Variants in LRMDA observed in about 807,000 individuals in gnomAD.
The protein encoded by LRMDA is leucine rich melanocyte differentiation associated, also known as leucine-rich melanocyte differentiation-associated protein.
A neutral mutation model predicts 29.8 loss-of-function variants in LRMDA; 18 were observed. The observed-to-expected ratio is 0.60, with a 90% CI of 0.42 to 0.90. The LOEUF (loss-of-function observed/expected upper bound fraction) is 0.90, where lower values mean the gene tolerates loss of function less well. LRMDA is among the 40% of genes least tolerant of loss of function. LRMDA has a pLI of 0.00. For synonymous variants in LRMDA, 125 were observed against 109.4 expected (o/e 1.14, Z -0.89); for missense variants, 273 against 273.9 (o/e 1.00, Z 0.02).
intron 2 of LRMDA, among the ~76,000 whole-genome samples, chr10:75,893,861 A>C (rs1390085045): frequency 4.1e-5 from 6 of 145,562 alleles, no homozygotes; most frequent in Non-Finnish European, 7.5e-5. Context: ...TGAACCTAGG[A>C]GGTGGAGGTG....
At chr10:76,288,482 T>C (rs1840300158) in intron 5 of LRMDA, among the ~76,000 whole-genome samples, 1 of 152,148 alleles carries the variant, frequency 6.6e-6, no homozygotes, top group African/African-American at 2.4e-5. Context: ...GATTTCATGG[T>C]GAAGACGCCA....
chr10:75,996,031 C>T (rs1359591697), intron 2 of LRMDA, among the ~76,000 whole-genome samples: 1 of 152,158 alleles, frequency 6.6e-6, no homozygotes, highest in Non-Finnish European at 1.5e-5. Context: ...ACTCACCAAC[C>T]CATGTTTAAG....
At chr10:75,798,899 C>T (rs2221169) in intron 2 of LRMDA, among the ~76,000 whole-genome samples, 68,735 of 151,898 alleles carry the variant, frequency 0.45, 15,868 homozygotes, top group South Asian at 0.53. Context: ...ATTAAAAAAA[C>T]TTAAAAAGAA....
chr10:75,827,466 C>T (rs1033672105), intron 2 of LRMDA, among the ~76,000 whole-genome samples: 3 of 152,168 alleles, frequency 2.0e-5, no homozygotes, highest in Non-Finnish European at 4.4e-5. Context: ...ATTTTTTATA[C>T]AGGATTCAAA....
chr10:76,512,698 C>A (rs747943603), intron 6 of LRMDA, among the ~76,000 whole-genome samples: 1 of 151,996 alleles, frequency 6.6e-6, no homozygotes, highest in Non-Finnish European at 1.5e-5. Context: ...AGCAAAGCAA[C>A]CAAAGAAAAA....
chr10:75,785,056 C>G (rs1340241171), intron 2 of LRMDA, among the ~76,000 whole-genome samples: 1 of 152,176 alleles, frequency 6.6e-6, no homozygotes, highest in Non-Finnish European at 1.5e-5. Flanking sequence ...GTGGCATGGA[C>G]GCGCAGGAGC....
intron 6 of LRMDA, among the ~76,000 whole-genome samples, chr10:76,425,791 C>T (rs1370062536): frequency 6.7e-5 from 10 of 150,108 alleles, no homozygotes; most frequent in Non-Finnish European, 1.5e-4. Context: ...TGTGATGTTC[C>T]CCTTCCTGTG....
At chr10:75,930,826 C>T (rs1439503221) in intron 2 of LRMDA, among the ~76,000 whole-genome samples, 1 of 152,158 alleles carries the variant, frequency 6.6e-6, no homozygotes, top group African/African-American at 2.4e-5. Flanking sequence ...ATAGAATCCC[C>T]AAGTTGAGAT....
At chr10:75,480,907 G>T (rs901438461) in intron 2 of LRMDA, among the ~76,000 whole-genome samples, 19 of 152,134 alleles carry the variant, frequency 1.2e-4, no homozygotes, top group Non-Finnish European at 1.5e-5. Context: ...ATGTGGAGGG[G>T]TGAGGCATGG....
intron 6 of LRMDA, among the ~76,000 whole-genome samples, chr10:76,542,205 G>A (rs888779054): frequency 6.6e-6 from 1 of 152,172 alleles, no homozygotes; most frequent in Non-Finnish European, 1.5e-5. Context: ...TGCGGATTAT[G>A]TATAATAGAT....
At position 75,497,162 on chromosome 10, in the gene LRMDA, G is replaced by A. The variant is rs75014940; in HGVS notation, c.131+58668G>A. Reference sequence around the variant, plus strand: ...TAAAATCATGCTACATGTCAGGGTGGCATTCACAGCTCCATGGTTTCCAAG... The same window carrying A: ...TAAAATCATGCTACATGTCAGGGTGACATTCACAGCTCCATGGTTTCCAAG... On this transcript the variant is annotated intron_variant, in intron 2 of 6. Transcript: ENST00000611255. Among the ~76,000 whole-genome samples, 508 of 152,196 alleles carry A rather than the reference G, an allele frequency of 3.3e-3. 2 individuals are homozygous for A. The highest frequency in any genetic ancestry group is 0.012 in the African/African-American group (482 of 41,532).
intron 2 of LRMDA, among the ~76,000 whole-genome samples, chr10:75,654,261 A>C (rs1399274043): frequency 1.3e-5 from 2 of 152,180 alleles, no homozygotes; most frequent in African/African-American, 4.8e-5. Flanking sequence ...TAGGTGTCTT[A>C]ATGTCTCTGA....
intron 2 of LRMDA, among the ~76,000 whole-genome samples, chr10:75,664,117 G>A (rs1040029498): frequency 2.6e-5 from 4 of 152,186 alleles, no homozygotes; most frequent in African/African-American, 9.7e-5. Context: ...AGAAAATGTA[G>A]CTGTTTTTAT....
At chr10:76,317,800 C>T (rs970091122) in intron 5 of LRMDA, among the ~76,000 whole-genome samples, 3 of 152,168 alleles carry the variant, frequency 2.0e-5, no homozygotes, top group African/African-American at 7.2e-5. Context: ...TCTCAGACTC[C>T]TGACCTCAGG....
intron 2 of LRMDA, among the ~76,000 whole-genome samples, chr10:75,575,983 ACTC>A (rs1840501175): frequency 7.4e-6 from 1 of 134,410 alleles, no homozygotes; most frequent in Non-Finnish European, 1.6e-5. Flanking sequence ...TTTTTTTTTC[ACTC>A]CTCAGTGGCG....
chr10:76,192,706 G>C (rs1471150477), intron 5 of LRMDA, among the ~76,000 whole-genome samples: 2 of 152,106 alleles, frequency 1.3e-5, no homozygotes, highest in African/African-American at 2.4e-5. Context: ...TATTATGGAG[G>C]GAAATTTTTT....
At chr10:75,563,924 GT>G (rs1840334369) in intron 2 of LRMDA, among the ~76,000 whole-genome samples, 1 of 152,202 alleles carries the variant, frequency 6.6e-6, no homozygotes, top group African/African-American at 2.4e-5. Context: ...GCCGTGTGAG[GT>G]GTCAGTCTGC....
intron 2 of LRMDA, among the ~76,000 whole-genome samples, chr10:75,663,557 TGTTATGTTGAAG>T (rs1564534138): frequency 5.0e-4 from 76 of 152,298 alleles, no homozygotes; most frequent in African/African-American, 1.8e-3. Context: ...CAGTTCAGAC[TGTTATGTTGAAG>T]CCCTGGAGAT....
intron 2 of LRMDA, among the ~76,000 whole-genome samples, chr10:75,662,675 G>T (rs1223584542): frequency 2.0e-5 from 3 of 152,236 alleles, no homozygotes; most frequent in Non-Finnish European, 2.9e-5. Flanking sequence ...TATTTCATCA[G>T]TGTAGCTTGT....
Sources: allele counts gnomAD v4.1 joint callset (sites outside exome capture counted in the v4.1 genomes callset), GRCh38; gene constraint gnomAD v4.1.1; transcripts MANE v1.5; gene names NCBI Gene and HGNC (gene_info 2026-07-23, HGNC 2026-07-21).